The following NDST4 variants were observed in gnomAD, a reference collection of about 807,000 sequenced individuals.
The protein encoded by NDST4 is N-heparan sulfate sulfotransferase 4.
NDST4 carries 63 observed loss-of-function variants against 100.8 expected under a neutral mutation model. The ratio of observed to expected loss-of-function variants is 0.62; its 90% CI spans 0.51 to 0.77. The LOEUF is 0.77. NDST4 is among the 30% of genes least tolerant of loss of function. NDST4 has a pLI of 0.00. For missense variants in NDST4, 943 were observed against 1,018.4 expected, an observed-to-expected ratio of 0.93 and a Z score of 1.01; for synonymous variants, 377 against 361.8, an observed-to-expected ratio of 1.04 and a Z score of -0.48.
intron 1 of NDST4, among the ~76,000 whole-genome samples, chr4:115,097,015 G>C (rs1001850441): frequency 6.6e-6 from 1 of 151,978 alleles, no homozygotes; most frequent in Non-Finnish European, 1.5e-5. Flanking sequence ...ACTATCTTTA[G>C]TAAGCTTCTA....
At chr4:115,106,836 C>T (rs879806039) in intron 1 of NDST4, among the ~76,000 whole-genome samples, 2 of 152,026 alleles carry the variant, frequency 1.3e-5, no homozygotes, top group Non-Finnish European at 2.9e-5. Flanking sequence ...AGATATGGAG[C>T]CAGCTCCTCT....
At chr4:115,031,373 C>A (rs933646908) in intron 2 of NDST4, among the ~76,000 whole-genome samples, 3 of 152,084 alleles carry the variant, frequency 2.0e-5, no homozygotes, top group African/African-American at 7.2e-5. Context: ...GATCAATTCA[C>A]TGCTTGAGTG....
chr4:114,881,027 A>G (rs1560792798), intron 6 of NDST4, among the ~76,000 whole-genome samples: 1 of 152,140 alleles, frequency 6.6e-6, no homozygotes, highest in Non-Finnish European at 1.5e-5. Context: ...GGTTCATGAA[A>G]GGAAAAGAAA....
chr4:115,082,896 A>G (rs188793852), intron 1 of NDST4, among the ~76,000 whole-genome samples: 69 of 152,320 alleles, frequency 4.5e-4, no homozygotes, highest in Non-Finnish European at 4.7e-4. Flanking sequence ...AAGTTCAGCT[A>G]TTCAAAGCCA....
At chr4:114,841,868 C>T (rs1407195584) in intron 10 of NDST4, among the ~76,000 whole-genome samples, 3 of 152,146 alleles carry the variant, frequency 2.0e-5, no homozygotes, top group African/African-American at 4.8e-5. Context: ...CCCAACTACT[C>T]GACCTCCAGT....
chr4:114,905,564 C>A (rs780613233), intron 6 of NDST4, among the ~76,000 whole-genome samples: 12 of 151,758 alleles, frequency 7.9e-5, no homozygotes, highest in Non-Finnish European at 1.6e-4. Flanking sequence ...AAGCTGATTT[C>A]AATAGCAACA....
At chr4:114,992,496 T>C (rs1260506040) in intron 2 of NDST4, among the ~76,000 whole-genome samples, 6 of 151,724 alleles carry the variant, frequency 4.0e-5, no homozygotes, top group Non-Finnish European at 7.4e-5. Context: ...GTTGTACAGG[T>C]GACCCTTCAC....
At position 115,062,228 on chromosome 4, in the gene NDST4, G is replaced by A. The variant is rs182565547; in HGVS notation, c.978+13831C>T. On this transcript the variant is annotated intron_variant, in intron 2 of 13. Coordinates refer to ENST00000264363, the MANE Select transcript of NDST4 (RefSeq NM_022569.3). The stretch of plus-strand genomic sequence containing the variant: ...ACTCAAAACTAGAATTTTTAAGCAA[G>A]GCAATTGAAATACTTTTTGAAAATA... Among the ~76,000 whole-genome samples, 566 of 151,992 alleles carry A rather than the reference G, an allele frequency of 3.7e-3. 3 individuals are homozygous for A. Among genetic ancestry groups the A allele is most frequent in the South Asian group, 4.6e-3 (22 of 4,824 alleles).
At chr4:115,039,863 A>T (rs1159057818) in intron 2 of NDST4, among the ~76,000 whole-genome samples, 1 of 152,108 alleles carries the variant, frequency 6.6e-6, no homozygotes, top group East Asian at 1.9e-4. Flanking sequence ...AGAGTTTTTC[A>T]ACAACACTGA....
chr4:115,037,645 A>G (rs1052714596), intron 2 of NDST4, among the ~76,000 whole-genome samples: 1 of 152,118 alleles, frequency 6.6e-6, no homozygotes, highest in Non-Finnish European at 1.5e-5. Flanking sequence ...AGCATCCAGA[A>G]TCTTGTAAAT....
chr4:114,984,849 T>C (rs1231717198), intron 2 of NDST4, among the ~76,000 whole-genome samples: 3 of 152,166 alleles, frequency 2.0e-5, no homozygotes, highest in Non-Finnish European at 2.9e-5. Context: ...CAATTGAAGA[T>C]GAATAGGGCT....
intron 1 of NDST4, among the ~76,000 whole-genome samples, chr4:115,094,884 C>T (rs1578517544): frequency 1.1e-4 from 1 of 9,276 alleles, no homozygotes; most frequent in South Asian, 1.1e-3. Flanking sequence ...TGATCTAGAA[C>T]TTCTAGCCCC....
chr4:114,983,088 T>C (rs1726815969), intron 2 of NDST4, among the ~76,000 whole-genome samples: 1 of 152,176 alleles, frequency 6.6e-6, no homozygotes, highest in South Asian at 2.1e-4. Flanking sequence ...TCCTGGATAT[T>C]CAGGCAAAAT....
intron 4 of NDST4, among the ~76,000 whole-genome samples, chr4:114,940,589 G>C (rs1336425079): frequency 6.6e-6 from 1 of 152,130 alleles, no homozygotes; most frequent in Non-Finnish European, 1.5e-5. Flanking sequence ...GCACCGGCAG[G>C]AGTAGTTGCA....
chr4:114,979,860 C>A (rs1726727004), intron 2 of NDST4, among the ~76,000 whole-genome samples: 1 of 151,644 alleles, frequency 6.6e-6, no homozygotes, highest in African/African-American at 2.4e-5. Context: ...GAAAAAAAAG[C>A]AAATCTTAAA....
At chr4:114,866,544 G>A (rs1177752268) in intron 7 of NDST4, among the ~76,000 whole-genome samples, 1 of 152,112 alleles carries the variant, frequency 6.6e-6, no homozygotes, top group Admixed American at 6.5e-5. Context: ...TGTACACACA[G>A]CCCTCTGCTT....
chr4:115,100,397 A>C (rs935717914), intron 1 of NDST4, among the ~76,000 whole-genome samples: 1 of 152,076 alleles, frequency 6.6e-6, no homozygotes, highest in African/African-American at 2.4e-5. Flanking sequence ...GAAAAGTTGT[A>C]CACAGAGAAA....
At chr4:115,065,260 A>G (rs1475847994) in intron 2 of NDST4, among the ~76,000 whole-genome samples, 1 of 152,056 alleles carries the variant, frequency 6.6e-6, no homozygotes, top group African/African-American at 2.4e-5. Flanking sequence ...TCACCAAAAT[A>G]TTCTGAATTG....
chr4:114,888,310 TTAC>T lies in NDST4; in HGVS notation c.1537-17363_1537-17361del, dbSNP rs1362992210. 9.2e-5 allele frequency among the ~76,000 whole-genome samples: 14 copies of T among 152,194 alleles called. 1 individual carries two copies. In the South Asian group the frequency reaches 2.9e-3, roughly 32 times the overall value. On this transcript the variant is annotated intron_variant, in intron 6 of 13. Transcript: ENST00000264363. Reference sequence around the variant, plus strand: ...ACTCATCTTAGAATGTAACTAAACCTTACTACAAGTGATAAAATTCCAGGGAGA... The same window carrying T: ...ACTCATCTTAGAATGTAACTAAACCTTACAAGTGATAAAATTCCAGGGAGA...
Sources: allele counts gnomAD v4.1 joint callset (sites outside exome capture counted in the v4.1 genomes callset), GRCh38; gene constraint gnomAD v4.1.1; transcripts MANE v1.5; gene names NCBI Gene and HGNC (gene_info 2026-07-23, HGNC 2026-07-21).